Variants in ZEB2 observed in about 807,000 individuals in gnomAD.
The protein encoded by ZEB2 is zinc finger E-box binding homeobox 2.
A neutral mutation model predicts 99.9 loss-of-function variants in ZEB2; 6 were observed. That is an observed-to-expected ratio of 0.06 (90% confidence interval 0.03 to 0.12). The LOEUF is 0.12. Among genes scored for constraint, ZEB2 ranks in the 10% least tolerant of loss-of-function variants. The probability of loss-of-function intolerance (pLI) is 1.00; values close to 1 mark genes in which losing one functional copy is unlikely to be tolerated. For synonymous variants in ZEB2, 517 were observed against 542.5 expected (o/e 0.95, Z 0.65); for missense variants, 969 against 1,502.8 (o/e 0.64, Z 5.87).
At chr2:144,494,461 A>G (rs1276181152) in intron 2 of ZEB2, 1 of 152,232 alleles carries the variant, frequency 6.6e-6, no homozygotes, top group East Asian at 1.9e-4. Context: ...AACTGACATA[A>G]TGTTAAATTG....
intron 2 of ZEB2, among the ~76,000 whole-genome samples, chr2:144,484,642 A>G (rs992056241): frequency 6.6e-6 from 1 of 152,188 alleles, no homozygotes; most frequent in Non-Finnish European, 1.5e-5. Flanking sequence ...CAATGGGGCC[A>G]GGAGCATATG....
intron 2 of ZEB2, chr2:144,516,873 G>A (rs964388142): frequency 1.3e-5 from 2 of 151,660 alleles, no homozygotes; most frequent in Non-Finnish European, 2.9e-5. Flanking sequence ...GGGATCCTGC[G>A]CGATCCAGCG....
chr2:144,392,857 A>C (rs1049600587), intron 9 of ZEB2, among the ~76,000 whole-genome samples: 9 of 152,208 alleles, frequency 5.9e-5, no homozygotes, highest in African/African-American at 2.2e-4. Context: ...TAGATTTGTG[A>C]TTCACCTGAC....
intron 2 of ZEB2, among the ~76,000 whole-genome samples, chr2:144,508,742 G>A (rs1440831945): frequency 6.6e-6 from 1 of 151,852 alleles, no homozygotes; most frequent in Non-Finnish European, 1.5e-5. Context: ...AGATGCGAAG[G>A]CTGAGATCAT....
chr2:144,493,140 T>A (rs1260622712), intron 2 of ZEB2, among the ~76,000 whole-genome samples: 1 of 152,168 alleles, frequency 6.6e-6, no homozygotes. Flanking sequence ...CTTCTTTTTT[T>A]AAGTACTCTC....
chr2:144,513,179 T>TC (rs1441553683), intron 2 of ZEB2: 36 of 1,286,638 alleles, frequency 2.8e-5, no homozygotes, highest in Middle Eastern at 3.2e-4. Context: ...GAGCAACTTC[T>TC]CCGTCCCTCA....
chr2:144,453,531 T>A (rs1396083260), intron 2 of ZEB2, among the ~76,000 whole-genome samples: 5 of 152,244 alleles, frequency 3.3e-5, no homozygotes, highest in Admixed American at 3.3e-4. Flanking sequence ...ACTCATTAGC[T>A]TGGAGTCTAG....
At chr2:144,395,858 A>G (rs1365547221) in intron 9 of ZEB2, among the ~76,000 whole-genome samples, 1 of 152,132 alleles carries the variant, frequency 6.6e-6, no homozygotes, top group African/African-American at 2.4e-5. Context: ...TTTTATTTCA[A>G]TCTTCCAAAT....
rs1412655756 is a variant in ZEB2, at chr2:144,385,007, C to A, written c.*4444G>T. ...ACCAATATGATTTGTGATGTGTTCA[C>A]ATATATGTCATAATATTTATTAATA... On this transcript the variant is annotated 3_prime_UTR_variant, in exon 10 of 10. Transcript: ENST00000627532. The A allele has an allele frequency of 1.3e-5, 2 of 152,112 alleles. No homozygotes were observed. Among genetic ancestry groups the A allele is most frequent in the East Asian group, 3.8e-4 (2 of 5,204 alleles). The allele number at this position is 152,112 out of a possible 1,614,324, so 9.4% of individuals were successfully genotyped here.
intron 2 of ZEB2, chr2:144,511,930 G>T (rs1274834039): frequency 7.8e-7 from 1 of 1,287,090 alleles, no homozygotes; most frequent in Non-Finnish European, 1.0e-6. Context: ...CTGCTTTTGT[G>T]GTGACATTTA....
intron 9 of ZEB2, 113 bp from the exon 10 acceptor site, chr2:144,390,141 A>G (rs1490618361): frequency 1.8e-6 from 2 of 1,104,772 alleles, no homozygotes; most frequent in African/African-American, 3.1e-5. Context: ...TTATGCCTGA[A>G]AGATCAACAC....
chr2:144,469,434 G>A (rs1222752592), intron 2 of ZEB2, among the ~76,000 whole-genome samples: 1 of 152,074 alleles, frequency 6.6e-6, no homozygotes, highest in African/African-American at 2.4e-5. Context: ...ACTGAGCATT[G>A]CACACACTGA....
chr2:144,517,495 G>C, intron 1 of ZEB2, 76 bp from the exon 2 acceptor site: 1 of 976,206 alleles, frequency 1.0e-6, no homozygotes, highest in Non-Finnish European at 1.6e-6. Context: ...CAGGGGAGCC[G>C]GGCCAGGGCC....
chr2:144,485,951 T>C lies in ZEB2; in HGVS notation c.73+31327A>G, dbSNP rs370972521. 3.9e-5 allele frequency among the ~76,000 whole-genome samples: 6 copies of C among 152,346 alleles called. No individual in the cohort carries two copies. The South Asian group carries it at 1.2e-3, about 32-fold the overall frequency. On this transcript the variant is annotated intron_variant, in intron 2 of 9. Transcript: ENST00000627532. ...TCCTTTTCTTCTTAGCTTAAGAAAGTAAAAAGGAATCGGTGATTTTAAACC... is the reference window on the plus strand; with the variant it reads ...TCCTTTTCTTCTTAGCTTAAGAAAGCAAAAAGGAATCGGTGATTTTAAACC...
At chr2:144,519,749 C>T (rs1410387005) in intron 1 of ZEB2, 190 bp downstream of exon 1, 6 of 344,590 alleles carry the variant, frequency 1.7e-5, no homozygotes, top group Non-Finnish European at 3.4e-5. Flanking sequence ...TAAGAGAAAG[C>T]GAAGAAGCCA....
intron 4 of ZEB2, among the ~76,000 whole-genome samples, chr2:144,416,527 G>C (rs1703542375): frequency 6.6e-6 from 1 of 151,932 alleles, no homozygotes; most frequent in African/African-American, 2.4e-5. Flanking sequence ...TTTTCCTATT[G>C]ACTTCAAAGA....
At chr2:144,500,263 A>G (rs1420027362) in intron 2 of ZEB2, among the ~76,000 whole-genome samples, 2 of 152,240 alleles carry the variant, frequency 1.3e-5, no homozygotes, top group African/African-American at 2.4e-5. Context: ...CACAATTTTA[A>G]TTAACCGCCC....
At chr2:144,413,300 G>A (rs1030219692) in intron 4 of ZEB2, among the ~76,000 whole-genome samples, 1 of 152,190 alleles carries the variant, frequency 6.6e-6, no homozygotes, top group Admixed American at 6.5e-5. Context: ...AATATTTGTT[G>A]AATGAATGAA....
chr2:144,418,710 A>C (rs6715666), intron 4 of ZEB2, among the ~76,000 whole-genome samples: 130,425 of 147,392 alleles, frequency 0.88, 56,988 homozygotes, highest in Non-Finnish European at 0.91. Context: ...AACAAACAAA[A>C]AAAAAAAAAA....
Sources: allele counts gnomAD v4.1 joint callset (sites outside exome capture counted in the v4.1 genomes callset), GRCh38; gene constraint gnomAD v4.1.1; transcripts MANE v1.5; gene names NCBI Gene and HGNC (gene_info 2026-07-23, HGNC 2026-07-21).